DYNC2I1: variants seen among roughly 807,000 people sequenced by gnomAD.
DYNC2I1 encodes the protein cytoplasmic dynein 2 intermediate chain 1.
DYNC2I1 carries 89 observed loss-of-function variants against 133.4 expected under a neutral mutation model. The ratio of observed to expected loss-of-function variants is 0.67; its 90% CI spans 0.56 to 0.80. The LOEUF (loss-of-function observed/expected upper bound fraction) is 0.80, where lower values mean the gene tolerates loss of function less well. DYNC2I1 is among the 30% of genes least tolerant of loss of function. The pLI, the probability that DYNC2I1 is intolerant of heterozygous loss-of-function variation, is 0.00. For missense variants in DYNC2I1, 1,291 were observed against 1,314.5 expected (o/e 0.98, Z 0.28); for synonymous variants, 504 against 484.3 (o/e 1.04, Z -0.54).
rs761540941 is a variant in DYNC2I1 at position 158,926,156 on chromosome 7, C to T, written c.2258-31C>T. 25 of 1,538,572 alleles carry T rather than the reference C, an allele frequency of 1.6e-5. No homozygotes were observed. In the Admixed American group the frequency reaches 4.2e-4, roughly 26 times the overall value. On this transcript the variant is annotated intron_variant, in intron 17 of 24. Coordinates refer to ENST00000407559, the MANE Select transcript of DYNC2I1 (RefSeq NM_018051.5). The stretch of plus-strand genomic sequence containing the variant: ...CTGCATTTCTTCAACTTACTACTTA[C>T]ACGTGGATGCTGTGGGCTTTTGAAC...
chr7:158,880,115 A>T, intron 5 of DYNC2I1, 126 bp downstream of exon 5: 1 of 1,053,036 alleles, frequency 9.5e-7, no homozygotes, highest in Admixed American at 2.8e-5. Context: ...ATTTAGGAAA[A>T]ACGCAACTCA....
intron 19 of DYNC2I1, 91 bp downstream of exon 19, chr7:158,926,554 A>T (rs866201032): frequency 7.1e-7 from 1 of 1,401,610 alleles, no homozygotes; most frequent in African/African-American, 1.4e-5. Flanking sequence ...GGCGGGACCC[A>T]GTTAGCTGTG....
chr7:158,895,426 C>T (rs1845672245), intron 8 of DYNC2I1, among the ~76,000 whole-genome samples: 1 of 152,166 alleles, frequency 6.6e-6, no homozygotes, highest in South Asian at 2.1e-4. Context: ...TGCCATTGCT[C>T]CCTTTTCAAA....
chr7:158,889,234 C>T (rs1029441012), intron 7 of DYNC2I1, among the ~76,000 whole-genome samples: 5 of 152,128 alleles, frequency 3.3e-5, no homozygotes, highest in Admixed American at 2.0e-4. Context: ...GCGCCTGTCA[C>T]CACACCTGGC....
intron 1 of DYNC2I1, among the ~76,000 whole-genome samples, chr7:158,856,963 G>A (rs1424317179): frequency 6.6e-6 from 1 of 152,062 alleles, no homozygotes; most frequent in Non-Finnish European, 1.5e-5. Context: ...CCGGGCTCCC[G>A]GCGGTCGGGA....
At chr7:158,874,125 T>C (rs1173378230) in intron 3 of DYNC2I1, among the ~76,000 whole-genome samples, 2 of 152,090 alleles carry the variant, frequency 1.3e-5, no homozygotes, top group Non-Finnish European at 2.9e-5. Flanking sequence ...AGGCTGGTCT[T>C]GAACTGGTCT....
chr7:158,854,032 C>T (rs60605211), upstream of DYNC2I1, among the ~76,000 whole-genome samples: 9 of 147,630 alleles, frequency 6.1e-5, no homozygotes, highest in South Asian at 2.2e-4. Flanking sequence ...GGTGGGGGGG[C>T]GTTGAGAAGT....
chr7:158,879,169 A>G (rs1843736821), intron 4 of DYNC2I1, among the ~76,000 whole-genome samples: 2 of 152,122 alleles, frequency 1.3e-5, no homozygotes, highest in Non-Finnish European at 2.9e-5. Context: ...GGACCATGAC[A>G]TGAATAGGGT....
rs1048387823 is a variant in DYNC2I1, at chr7:158,869,705, G to C, written c.16-150G>C. The C allele has an allele frequency of 9.8e-6, 6 of 614,272 alleles. No homozygotes were observed. The African/African-American group carries it at 1.1e-4, about 11-fold the overall frequency. The allele number at this position is 614,272 out of a possible 1,614,324, so 38.1% of individuals were successfully genotyped here. The stretch of plus-strand genomic sequence containing the variant: ...ATAATTTTTAAAAATCTGTATTTCT[G>C]TTACCTTTTATTCCAGGAGGTAGAG... On this transcript the variant is annotated intron_variant, in intron 1 of 24. Transcript: ENST00000407559.
At chr7:158,879,557 G>T in intron 4 of DYNC2I1, 127 bp from the exon 5 acceptor site, 1 of 1,005,782 alleles carries the variant, frequency 9.9e-7, no homozygotes, top group Non-Finnish European at 1.4e-6. Flanking sequence ...CTACAGACAC[G>T]ATTTTCTTCA....
At chr7:158,914,187 A>T (rs974737127) in intron 13 of DYNC2I1, 46 bp from the exon 14 acceptor site, 1 of 1,502,638 alleles carries the variant, frequency 6.7e-7, no homozygotes, top group African/African-American at 1.4e-5. Flanking sequence ...ATGCATGATT[A>T]TTTTAGAGTC....
Position 158,914,332 on chromosome 7 carries a change from C to G in DYNC2I1, c.1791+11C>G. On this transcript the variant is annotated intron_variant, in intron 14 of 24. Transcript: ENST00000407559. ...CGGGCTGCTTGTCAGGTATACTCAA[C>G]CTATATATGTTGTGTTCTCTGTGTA... is the stretch of plus-strand genomic sequence containing the variant. The G allele has an allele frequency of 1.2e-6, 2 of 1,603,014 alleles. No individual in the cohort carries two copies. Among genetic ancestry groups the G allele is most frequent in the Non-Finnish European group, 1.7e-6 (2 of 1,173,640 alleles).
At chr7:158,857,513 TTTATG>T (rs1246779875) in intron 1 of DYNC2I1, among the ~76,000 whole-genome samples, 1 of 152,020 alleles carries the variant, frequency 6.6e-6, no homozygotes, top group Non-Finnish European at 1.5e-5. Context: ...TAATTTGTAT[TTTATG>T]TTATATAAAC....
intron 11 of DYNC2I1, among the ~76,000 whole-genome samples, chr7:158,910,550 C>T (rs1465231563): frequency 6.9e-6 from 1 of 144,064 alleles, no homozygotes; most frequent in Non-Finnish European, 1.5e-5. Context: ...GCACGATTGG[C>T]TGTGTCAGGC....
chr7:158,864,121 G>T (rs116572950), intron 1 of DYNC2I1, among the ~76,000 whole-genome samples: 164 of 140,826 alleles, frequency 1.2e-3, no homozygotes, highest in Non-Finnish European at 1.9e-3. Context: ...CTCCGGGTGT[G>T]GGGGGGGGAG....
intron 21 of DYNC2I1, among the ~76,000 whole-genome samples, chr7:158,932,462 C>T (rs574463716): frequency 5.5e-4 from 84 of 151,588 alleles, no homozygotes; most frequent in Admixed American, 7.2e-4. Flanking sequence ...GTCTGTCTGC[C>T]GTGCTAAAGG....
intron 15 of DYNC2I1, among the ~76,000 whole-genome samples, chr7:158,920,790 C>G (rs1039276743): frequency 6.6e-6 from 1 of 152,158 alleles, no homozygotes; most frequent in Non-Finnish European, 1.5e-5. Context: ...TCTCACCCTG[C>G]GAATCCAGAA....
chr7:158,938,688 A>G (rs1344513970), intron 23 of DYNC2I1, among the ~76,000 whole-genome samples: 1 of 152,164 alleles, frequency 6.6e-6, no homozygotes, highest in Non-Finnish European at 1.5e-5. Flanking sequence ...CATGGGAGGC[A>G]AAGGTTGCAG....
intron 15 of DYNC2I1, among the ~76,000 whole-genome samples, chr7:158,920,019 G>A (rs1184109447): frequency 6.6e-6 from 1 of 151,830 alleles, no homozygotes; most frequent in Non-Finnish European, 1.5e-5. Context: ...CGTGAAGTGT[G>A]TGTGTGTACC....
Sources: allele counts gnomAD v4.1 joint callset (sites outside exome capture counted in the v4.1 genomes callset), GRCh38; gene constraint gnomAD v4.1.1; transcripts MANE v1.5; gene names NCBI Gene and HGNC (gene_info 2026-07-23, HGNC 2026-07-21).